SEC61A2: variants seen among roughly 807,000 people sequenced by gnomAD.
SEC61A2 encodes protein transport protein Sec61 subunit alpha isoform 2.
Under a neutral mutation model 59.9 loss-of-function variants are expected in SEC61A2, and 28 were observed. That is an observed-to-expected ratio of 0.47 (90% confidence interval 0.35 to 0.64). The LOEUF (loss-of-function observed/expected upper bound fraction) is 0.64. SEC61A2 is among the 30% of genes least tolerant of loss of function. The pLI, the probability that SEC61A2 is intolerant of heterozygous loss-of-function variation, is 0.01. For synonymous variants in SEC61A2, 202 were observed against 214.4 expected (o/e 0.94, Z 0.50); for missense variants, 340 against 585.9 (o/e 0.58, Z 4.33).
At position 12,164,416 on chromosome 10, in the gene SEC61A2, C is replaced by G. The variant is rs1265875695; in HGVS notation, c.1393C>G (p.Gln465Glu). Reference sequence around the variant, plus strand: ...GTATTTTGAAATATTTGTTAAAGAACAGGCCGAAGTTGGTGGGATGGGTGC... The same window carrying G: ...GTATTTTGAAATATTTGTTAAAGAAGAGGCCGAAGTTGGTGGGATGGGTGC... ...YQYFEIFVKE[Q>E]AEVGGMGALF... is the part of the protein sequence containing the mutation. Residue 465 changes from glutamine to glutamate, a missense_variant, in exon 12 of 12, where the codon CAG becomes GAG. By Grantham distance (29) the Gln-to-Glu change is conservative. Around this residue, in one of 3 missense-constraint regions of SEC61A2, gnomAD observed 283 missense variants for 483.2 expected, o/e 0.59. Transcript: ENST00000298428. The surrounding 1 kb of genome is among the most constrained non-coding windows in gnomAD (Gnocchi z 7.3). 2.5e-6 allele frequency: 4 copies of G among 1,613,626 alleles called. No individual in the cohort carries two copies. The highest frequency in any genetic ancestry group is 3.4e-6 in the Non-Finnish European group (4 of 1,179,856).
At chr10:12,131,081 G>C (rs538260638) in intron 1 of SEC61A2, among the ~76,000 whole-genome samples, 38 of 152,342 alleles carry the variant, frequency 2.5e-4, no homozygotes, top group African/African-American at 8.7e-4. Flanking sequence ...GCTGAGGCAG[G>C]AGAATCCCTT....
At chr10:12,144,574 T>G (rs1288215729) in intron 4 of SEC61A2, among the ~76,000 whole-genome samples, 1 of 152,134 alleles carries the variant, frequency 6.6e-6, no homozygotes, top group African/African-American at 2.4e-5. Context: ...CCAGTTGTCA[T>G]GGAGTTGATA....
chr10:12,148,842 C>T (rs769641109), intron 4 of SEC61A2, among the ~76,000 whole-genome samples: 22 of 151,908 alleles, frequency 1.4e-4, no homozygotes, highest in Non-Finnish European at 2.6e-4. Flanking sequence ...TATCTAATGT[C>T]TTAAACACTA....
intron 3 of SEC61A2, among the ~76,000 whole-genome samples, chr10:12,141,051 C>G (rs1047125066): frequency 6.6e-6 from 1 of 152,104 alleles, no homozygotes; most frequent in Non-Finnish European, 1.5e-5. Flanking sequence ...AGGCACGAGC[C>G]GCCACTCCCT....
chr10:12,157,796 C>G, intron 8 of SEC61A2, 112 bp from the exon 9 acceptor site: 1 of 987,838 alleles, frequency 1.0e-6, no homozygotes, highest in Non-Finnish European at 1.5e-6. Context: ...CCCCTGTGCC[C>G]GGCCGGCATT....
At chr10:12,169,205 A>C, downstream of SEC61A2, 1 of 1,211,480 alleles carries the variant, frequency 8.3e-7, no homozygotes, top group Non-Finnish European at 1.2e-6. This position sits in a 1 kb window ranked among gnomAD's most constrained non-coding sequence, Gnocchi z 4.8. Context: ...TAGCCATAGT[A>C]GCCCTCTCTC....
At position 12,162,593 on chromosome 10, in the gene SEC61A2, G is replaced by T; in HGVS notation, c.1244+304G>T. The T allele has an allele frequency of 2.1e-6, 1 of 474,350 alleles. No homozygotes were observed. The highest frequency in any genetic ancestry group is 3.9e-6 in the Non-Finnish European group (1 of 254,074). 29.4% of individuals were successfully genotyped at this position (474,350 alleles called of 1,614,324 possible). ...TTAAAAAGGATTTCCCAGGAACTGT[G>T]GCTTATTTGGTCTGGGGTGAGTTCC... On this transcript the variant is annotated intron_variant, in intron 11 of 11. Transcript: ENST00000298428. The surrounding 1 kb of genome is among the most constrained non-coding windows in gnomAD (Gnocchi z 6.1).
Position 12,164,231 on chromosome 10 carries a change from T to C in SEC61A2, c.1245-37T>C, listed in dbSNP as rs747945363. On this transcript the variant is annotated intron_variant, in intron 11 of 11. Coordinates refer to ENST00000298428, the MANE Select transcript of SEC61A2 (RefSeq NM_018144.4). This position sits in a 1 kb window ranked among gnomAD's most constrained non-coding sequence, Gnocchi z 7.3. ...TCTCTAGCTGCCGTGCTGTTCCTGGTCTCTGCTGCCGCCTAACTTGGGGTT... is the reference window on the plus strand; with the variant it reads ...TCTCTAGCTGCCGTGCTGTTCCTGGCCTCTGCTGCCGCCTAACTTGGGGTT... 7 of 1,608,862 alleles carry C rather than the reference T, an allele frequency of 4.4e-6. No homozygotes were observed. In the African/African-American group the frequency reaches 8.0e-5, roughly 18 times the overall value.
intron 4 of SEC61A2, among the ~76,000 whole-genome samples, chr10:12,147,080 A>G (rs555277855): frequency 6.6e-6 from 1 of 152,158 alleles, no homozygotes; most frequent in African/African-American, 2.4e-5. Context: ...TTGTAGAGAC[A>G]GCATCTCACT....
At chr10:12,136,515 C>G (rs1833889721) in intron 3 of SEC61A2, among the ~76,000 whole-genome samples, 1 of 152,190 alleles carries the variant, frequency 6.6e-6, no homozygotes, top group Admixed American at 6.5e-5. Context: ...GGGGCATGAT[C>G]TCAGCTCACT....
rs180980583 is a variant in SEC61A2, at chr10:12,129,916, G to A, written c.7+122G>A. 6.5e-3 allele frequency: 6,133 copies of A among 940,562 alleles called. 38 individuals carry two copies. The highest frequency in any genetic ancestry group is 8.7e-3 in the Admixed American group (199 of 22,934). The allele number at this position is 940,562 out of a possible 1,614,324, so 58.3% of individuals were successfully genotyped here. A position where few individuals can be genotyped will look rare whatever the true frequency, so the allele number is the denominator to read the frequency against. On this transcript the variant is annotated intron_variant, in intron 1 of 11. Coordinates refer to ENST00000298428, the MANE Select transcript of SEC61A2 (RefSeq NM_018144.4). This position sits in a 1 kb window ranked among gnomAD's most constrained non-coding sequence, Gnocchi z 5.6. ...GCCAGGGATGCGCGGGCCGCTCCGG[G>A]CCTCAGCGGAGGGCACGGGCCGGGG...
intron 8 of SEC61A2, among the ~76,000 whole-genome samples, 161 bp from the exon 9 acceptor site, chr10:12,157,747 C>T (rs1834435255): frequency 6.6e-6 from 1 of 152,066 alleles, no homozygotes; most frequent in Non-Finnish European, 1.5e-5. Flanking sequence ...GTGATCTGCC[C>T]GCCTCGGCCT....
rs1349167324 is a variant in SEC61A2 at position 12,158,805 on chromosome 10, C to T, written c.975+700C>T. 1.3e-5 allele frequency among the ~76,000 whole-genome samples: 2 copies of T among 152,144 alleles called. No homozygotes were observed. Among genetic ancestry groups the T allele is most frequent in the East Asian group, 3.9e-4 (2 of 5,194 alleles). ...CTGGACTCATCCTAACCTTTCCTAT[C>T]TCCCACCCTGCCTCCAGGCCTCCTC... On this transcript the variant is annotated intron_variant, in intron 9 of 11. Coordinates refer to ENST00000298428, the MANE Select transcript of SEC61A2 (RefSeq NM_018144.4). The surrounding 1 kb of genome is among the most constrained non-coding windows in gnomAD (Gnocchi z 5.7).
intron 3 of SEC61A2, 71 bp downstream of exon 3, chr10:12,136,241 ATT>A (rs538235091): frequency 1.0e-6 from 1 of 970,516 alleles, no homozygotes; most frequent in African/African-American, 1.6e-5. Context: ...GAATTTGAGA[ATT>A]TTTTTTGTTA....
chr10:12,138,615 T>G (rs1269204972), intron 3 of SEC61A2, among the ~76,000 whole-genome samples: 1 of 152,246 alleles, frequency 6.6e-6, no homozygotes, highest in Non-Finnish European at 1.5e-5. Flanking sequence ...TTCATGTAAA[T>G]GGAATCATAC....
rs1260397525 is a variant in SEC61A2, at chr10:12,133,045, G to C, written c.8-196G>C. Reference sequence around the variant, plus strand: ...TACTGACCAGCCATCAAACCATTTGGACTTCTTTGTCCCTGGAATGATATC... The same window carrying C: ...TACTGACCAGCCATCAAACCATTTGCACTTCTTTGTCCCTGGAATGATATC... On this transcript the variant is annotated intron_variant, in intron 1 of 11. Coordinates refer to ENST00000298428, the MANE Select transcript of SEC61A2 (RefSeq NM_018144.4). Among the ~76,000 whole-genome samples, 3 of 152,288 alleles carry C rather than the reference G, an allele frequency of 2.0e-5. No individual in the cohort carries two copies. The East Asian group carries it at 5.8e-4, about 29-fold the overall frequency.
chr10:12,154,707 A>G lies in SEC61A2; in HGVS notation c.463-1071A>G, dbSNP rs1045790217. ...AAATAGACAAGTTAGGCTCTGTCCAACTACTGAAATGGCAGTTAAGGAGAA... is the reference window on the plus strand; with the variant it reads ...AAATAGACAAGTTAGGCTCTGTCCAGCTACTGAAATGGCAGTTAAGGAGAA... On this transcript the variant is annotated intron_variant, in intron 6 of 11. Transcript: ENST00000298428. The surrounding 1 kb of genome is among the most constrained non-coding windows in gnomAD (Gnocchi z 5.2). Among the ~76,000 whole-genome samples the G allele has an allele frequency of 6.6e-6, 1 of 152,230 alleles. No individual in the cohort carries two copies. Among genetic ancestry groups the G allele is most frequent in the African/African-American group, 2.4e-5 (1 of 41,462 alleles).
chr10:12,166,430 A>G (rs1437144885), downstream of SEC61A2: 3 of 219,942 alleles, frequency 1.4e-5, no homozygotes, highest in Non-Finnish European at 2.8e-5. Flanking sequence ...AGGGCTAGAC[A>G]GCTTCATCTG....
downstream of SEC61A2, chr10:12,169,230 T>TA (rs1391633560): frequency 2.0e-6 from 3 of 1,481,362 alleles, no homozygotes; most frequent in East Asian, 4.9e-5. This position sits in a 1 kb window ranked among gnomAD's most constrained non-coding sequence, Gnocchi z 4.8. Flanking sequence ...TCCCCTCACT[T>TA]ATTCTATTTT....
Sources: allele counts gnomAD v4.1 joint callset (sites outside exome capture counted in the v4.1 genomes callset), GRCh38; gene constraint gnomAD v4.1.1; regional missense constraint gnomAD v4.1.1; non-coding constraint Gnocchi (gnomAD v3.1); transcripts MANE v1.5; gene names NCBI Gene and HGNC (gene_info 2026-07-23, HGNC 2026-07-21).